The following ZNF143 variants were observed in gnomAD, a reference collection of about 807,000 sequenced individuals.
ZNF143 encodes SPH-binding factor.
In ZNF143, 49 loss-of-function variants were observed where a neutral mutation model predicts 74.1. The ratio of observed to expected loss-of-function variants is 0.66; its 90% CI spans 0.53 to 0.84. The LOEUF (loss-of-function observed/expected upper bound fraction) is 0.84, where lower values mean the gene tolerates loss of function less well. Among genes scored for constraint, ZNF143 ranks in the 40% least tolerant of loss-of-function variants. The pLI is 0.00. For synonymous variants in ZNF143, 304 were observed against 282.8 expected (o/e 1.07, Z -0.75); for missense variants, 637 against 793.4 (o/e 0.80, Z 2.37).
At chr11:9,517,987 A>G (rs1180629296) in intron 14 of ZNF143, among the ~76,000 whole-genome samples, 1 of 152,332 alleles carries the variant, frequency 6.6e-6, no homozygotes, top group African/African-American at 2.4e-5. Context: ...TACACACACT[A>G]TATTGAATAT....
chr11:9,512,106 GT>G (rs1452013871), intron 12 of ZNF143, among the ~76,000 whole-genome samples: 4 of 152,038 alleles, frequency 2.6e-5, no homozygotes, highest in Non-Finnish European at 4.4e-5. Flanking sequence ...TATTTGAAGG[GT>G]TATTTGCTAG....
chr11:9,524,093 T>C (rs997023496), intron 14 of ZNF143, among the ~76,000 whole-genome samples: 2 of 151,546 alleles, frequency 1.3e-5, no homozygotes, highest in African/African-American at 4.8e-5. Context: ...ATACAAAGAT[T>C]TGGGGGCTTC....
At chr11:9,461,608 G>A (rs924498776) in intron 1 of ZNF143, 4 of 152,032 alleles carry the variant, frequency 2.6e-5, no homozygotes, top group African/African-American at 7.3e-5. Flanking sequence ...GCGTATCGTG[G>A]GCAGATTGTT....
At chr11:9,517,764 T>C (rs1848774535) in intron 14 of ZNF143, among the ~76,000 whole-genome samples, 1 of 152,150 alleles carries the variant, frequency 6.6e-6, no homozygotes, top group Non-Finnish European at 1.5e-5. Context: ...CACCCTGAAA[T>C]GCAAAACTCA....
chr11:9,465,784 T>C (rs535288384), intron 1 of ZNF143, among the ~76,000 whole-genome samples: 2 of 151,856 alleles, frequency 1.3e-5, no homozygotes, highest in South Asian at 4.1e-4. Flanking sequence ...TATTACAATA[T>C]TGTATGCAAG....
At chr11:9,516,827 C>G (rs1247124931) in intron 14 of ZNF143, among the ~76,000 whole-genome samples, 1 of 152,172 alleles carries the variant, frequency 6.6e-6, no homozygotes, top group East Asian at 1.9e-4. Context: ...CAACTTTTAT[C>G]AGTTTTTTGT....
intron 11 of ZNF143, among the ~76,000 whole-genome samples, chr11:9,505,031 T>C (rs1394806393): frequency 9.2e-6 from 1 of 109,180 alleles, no homozygotes; most frequent in African/African-American, 2.9e-5. Flanking sequence ...TGGAGTGCAA[T>C]GGCACGATCT....
At chr11:9,494,492 A>G (rs1847890788) in intron 7 of ZNF143, among the ~76,000 whole-genome samples, 154 bp from the exon 8 acceptor site, 1 of 152,068 alleles carries the variant, frequency 6.6e-6, no homozygotes, top group Non-Finnish European at 1.5e-5. Flanking sequence ...ATTTTGTTGT[A>G]TAGAGACAGG....
chr11:9,512,720 T>A, intron 13 of ZNF143, 124 bp downstream of exon 13: 1 of 1,163,112 alleles, frequency 8.6e-7, no homozygotes, highest in Non-Finnish European at 1.2e-6. Flanking sequence ...AACCCTGAGG[T>A]TTTTCAGTAG....
In ZNF143 at chr11:9,493,740, C is replaced by A. The variant is rs189335713; in HGVS notation, c.646-906C>A. Among the ~76,000 whole-genome samples the A allele has an allele frequency of 1.6e-3, 249 of 152,248 alleles. 1 individual carries two copies. Among genetic ancestry groups the A allele is most frequent in the African/African-American group, 5.4e-3 (223 of 41,554 alleles). ...AGATAGGATGTTGCAACACTGTCAC[C>A]ACATGGCTCACAGAGTAGAAAGTCA... On this transcript the variant is annotated intron_variant, in intron 7 of 15. Transcript: ENST00000396602.
At chr11:9,472,957 A>G (rs2133870990) in intron 3 of ZNF143, among the ~76,000 whole-genome samples, 188 bp downstream of exon 3, 1 of 141,942 alleles carries the variant, frequency 7.0e-6, no homozygotes, top group Non-Finnish European at 1.5e-5. Flanking sequence ...CCTTTGAGAT[A>G]TTTGGAAGAT....
chr11:9,493,770 TC>T (rs1847865115), intron 7 of ZNF143, among the ~76,000 whole-genome samples: 1 of 152,176 alleles, frequency 6.6e-6, no homozygotes, highest in Non-Finnish European at 1.5e-5. Flanking sequence ...AAGTCATTCT[TC>T]CATTTTTATG....
At chr11:9,500,902 C>A (rs1848133718) in intron 10 of ZNF143, among the ~76,000 whole-genome samples, 189 bp from the exon 11 acceptor site, 2 of 152,028 alleles carry the variant, frequency 1.3e-5, no homozygotes, top group Admixed American at 1.3e-4. Context: ...TTCCCAGTTT[C>A]TTATGTAGAT....
intron 14 of ZNF143, among the ~76,000 whole-genome samples, chr11:9,517,666 T>C (rs1414523552): frequency 6.6e-6 from 1 of 152,240 alleles, no homozygotes; most frequent in Non-Finnish European, 1.5e-5. Context: ...ATAAATAATG[T>C]AATATATTTA....
intron 7 of ZNF143, among the ~76,000 whole-genome samples, chr11:9,484,113 T>C (rs1470091726): frequency 6.6e-6 from 1 of 151,624 alleles, no homozygotes; most frequent in Non-Finnish European, 1.5e-5. Context: ...TCATTAGTGC[T>C]GGATCAGAAG....
intron 11 of ZNF143, 40 bp from the exon 12 acceptor site, chr11:9,508,579 A>G (rs1413879445): frequency 6.3e-7 from 1 of 1,587,144 alleles, no homozygotes; most frequent in Non-Finnish European, 8.6e-7. Flanking sequence ...TTTTGCCTAC[A>G]TATGTAAAAG....
At chr11:9,526,572 C>G (rs1435107262) in intron 15 of ZNF143, among the ~76,000 whole-genome samples, 2 of 150,124 alleles carry the variant, frequency 1.3e-5, no homozygotes, top group East Asian at 3.9e-4. Flanking sequence ...TCTTTTGTCT[C>G]TTGCATGTAT....
rs574804101 is a variant in ZNF143, at chr11:9,471,361, G to A, written c.53G>A (p.Gly18Glu). 6.2e-7 allele frequency: 1 copy of A among 1,612,698 alleles called. No homozygotes were observed. The highest frequency in any genetic ancestry group is 8.5e-7 in the Non-Finnish European group (1 of 1,179,538). ...TCTCAGGGAATGACAGAGTTTCCTGGAGGAGGGATGGAGGCGCAACATGTT... is the reference window on the plus strand; with the variant it reads ...TCTCAGGGAATGACAGAGTTTCCTGAAGGAGGGATGGAGGCGCAACATGTT... ...RDSQGMTEFP[G>E]GGMEAQHVTL... The change falls in exon 2 of 16, where the codon GGA becomes GAA. Residue 18 changes from glycine to glutamate, a missense_variant. By Grantham distance (98) the Gly-to-Glu change is moderately conservative (BLOSUM62 -2). Around this residue, in one of 2 missense-constraint regions of ZNF143, gnomAD observed 293 missense variants for 307.8 expected, o/e 0.95. Transcript: ENST00000396602.
chr11:9,486,041 C>G (rs1277684964), intron 7 of ZNF143, among the ~76,000 whole-genome samples: 1 of 151,042 alleles, frequency 6.6e-6, no homozygotes, highest in Non-Finnish European at 1.5e-5. Context: ...CAAACTCCTT[C>G]AAATCTCACT....
Sources: allele counts gnomAD v4.1 joint callset (sites outside exome capture counted in the v4.1 genomes callset), GRCh38; gene constraint gnomAD v4.1.1; regional missense constraint gnomAD v4.1.1; transcripts MANE v1.5; gene names NCBI Gene and HGNC (gene_info 2026-07-23, HGNC 2026-07-21).